The following RASGRP3 variants were observed in gnomAD, a reference collection of about 807,000 sequenced individuals.
The protein encoded by RASGRP3 is RAS guanyl releasing protein 3.
RASGRP3 carries 54 observed loss-of-function variants against 82.7 expected under a neutral mutation model. That is an observed-to-expected ratio of 0.65 (90% CI 0.52 to 0.82). The LOEUF is 0.82. RASGRP3 is among the 40% of genes least tolerant of loss of function. RASGRP3 has a pLI of 0.00. For synonymous variants in RASGRP3, 309 were observed against 300.5 expected, an observed-to-expected ratio of 1.03 and a Z score of -0.29; for missense variants, 861 against 828.9, an observed-to-expected ratio of 1.04 and a Z score of -0.48.
intron 1 of RASGRP3, among the ~76,000 whole-genome samples, chr2:33,500,803 G>A (rs573026689): frequency 8.2e-4 from 125 of 152,146 alleles, no homozygotes; most frequent in Middle Eastern, 6.8e-3. Flanking sequence ...ACATGGTGGC[G>A]CGCACCTGTA....
chr2:33,510,851 A>G (rs1250724931), intron 1 of RASGRP3, among the ~76,000 whole-genome samples: 9 of 152,196 alleles, frequency 5.9e-5, no homozygotes, highest in African/African-American at 2.2e-4. Flanking sequence ...GTTCTGAGTC[A>G]AGAGCCTGGT....
rs76009586 is a variant in RASGRP3 at position 33,535,826 on chromosome 2, G to T, written c.1161+1426G>T. ...GCTATTGAAAACCAAAAAGGAATTT[G>T]TAAGCCCCTCCCTAATTCTGTAGTT... On this transcript the variant is annotated intron_variant, in intron 11 of 17. Transcript: ENST00000403687. Among the ~76,000 whole-genome samples the T allele has an allele frequency of 2.3e-3, 351 of 152,282 alleles. 1 individual carries two copies. Among genetic ancestry groups the T allele is most frequent in the African/African-American group, 8.3e-3 (343 of 41,556 alleles).
At chr2:33,485,979 T>G in intron 1 of RASGRP3, among the ~76,000 whole-genome samples, 1 of 152,198 alleles carries the variant, frequency 6.6e-6, no homozygotes, top group East Asian at 1.9e-4. Flanking sequence ...TTTGGAAAAT[T>G]GTTTTGAGCT....
intron 1 of RASGRP3, among the ~76,000 whole-genome samples, chr2:33,489,045 A>AT (rs1391628992): frequency 6.6e-6 from 1 of 152,020 alleles, no homozygotes; most frequent in African/African-American, 2.4e-5. Flanking sequence ...TCCGAAGGAC[A>AT]TTTGGCAATG....
intron 1 of RASGRP3, among the ~76,000 whole-genome samples, chr2:33,499,600 C>A (rs1261580651): frequency 6.6e-6 from 1 of 152,034 alleles, no homozygotes; most frequent in Non-Finnish European, 1.5e-5. Context: ...TATCTCAATG[C>A]ACAATGTTAA....
intron 1 of RASGRP3, among the ~76,000 whole-genome samples, chr2:33,491,362 A>G (rs539605655): frequency 2.6e-5 from 4 of 151,504 alleles, no homozygotes; most frequent in Non-Finnish European, 5.9e-5. Context: ...GTCACCCAGA[A>G]AAAAAAAAGA....
intron 1 of RASGRP3, among the ~76,000 whole-genome samples, chr2:33,478,900 A>G (rs190576750): frequency 6.6e-6 from 1 of 152,320 alleles, no homozygotes; most frequent in East Asian, 1.9e-4. Context: ...TCTCCTCACA[A>G]TAACTCTATG....
At chr2:33,504,804 G>C (rs1439728086) in intron 1 of RASGRP3, among the ~76,000 whole-genome samples, 1 of 151,124 alleles carries the variant, frequency 6.6e-6, no homozygotes, top group Non-Finnish European at 1.5e-5. Flanking sequence ...TTGTCATCTG[G>C]ATGCAGTGGG....
intron 10 of RASGRP3, among the ~76,000 whole-genome samples, chr2:33,528,403 T>C (rs757653996): frequency 1.1e-4 from 16 of 152,208 alleles, no homozygotes; most frequent in Non-Finnish European, 1.9e-4. Context: ...CAACGGTGTA[T>C]AGAAGAGAAC....
At chr2:33,444,102 A>G (rs934959587) in intron 1 of RASGRP3, among the ~76,000 whole-genome samples, 1 of 152,094 alleles carries the variant, frequency 6.6e-6, no homozygotes, top group African/African-American at 2.4e-5. Context: ...CAGGATTTCA[A>G]GAACAGCCTG....
rs1676241147 is a variant in RASGRP3, at chr2:33,558,292, G to A, written c.1661G>A (p.Ser554Asn). Residue 554 changes from serine (S) to asparagine (N), a missense_variant, in exon 16 of 18, where the codon AGC (serine) becomes AAC (asparagine). Ser to Asn is a conservative substitution (Grantham distance 46, BLOSUM62 1). Transcript: ENST00000403687. ...CRRFARAPSL[S>N]SGHGSLPGSP... ...AGATTTGCCCGGGCGCCCTCCTTGA[G>A]CAGTGGTCATGGGTCACTGCCTGGA... is the stretch of plus-strand genomic sequence containing the variant. The A allele has an allele frequency of 6.2e-7, 1 of 1,613,746 alleles. No homozygotes were observed. The highest frequency in any genetic ancestry group is 1.1e-5 in the South Asian group (1 of 91,026).
chr2:33,484,813 CAGTG>C (rs1195206586), intron 1 of RASGRP3, among the ~76,000 whole-genome samples: 2 of 152,146 alleles, frequency 1.3e-5, no homozygotes, highest in African/African-American at 2.4e-5. Flanking sequence ...GGTCACAAGC[CAGTG>C]AGTAAGAGTC....
chr2:33,446,942 A>G (rs1665532176), intron 1 of RASGRP3, among the ~76,000 whole-genome samples: 1 of 151,942 alleles, frequency 6.6e-6, no homozygotes, highest in South Asian at 2.1e-4. Flanking sequence ...AGGAGATGGA[A>G]ACCATCCTGG....
At chr2:33,537,330 C>CCACACACA (rs1553359126) in intron 11 of RASGRP3, among the ~76,000 whole-genome samples, 4 of 95,690 alleles carry the variant, frequency 4.2e-5, no homozygotes, top group African/African-American at 1.8e-4. Context: ...ACCGCCCCCC[C>CCACACACA]CACACACACA....
At chr2:33,547,380 C>T (rs983100312) in intron 13 of RASGRP3, among the ~76,000 whole-genome samples, 2 of 53,218 alleles carry the variant, frequency 3.8e-5, no homozygotes, top group Admixed American at 3.6e-4. Flanking sequence ...TTGCCTCCTA[C>T]GCAAAATAAC....
intron 12 of RASGRP3, 86 bp from the exon 13 acceptor site, chr2:33,543,426 C>T (rs529403006): frequency 1.3e-6 from 1 of 743,502 alleles, no homozygotes; most frequent in African/African-American, 1.8e-5. Flanking sequence ...TAGAAAGGAT[C>T]ATATGCTAGT....
chr2:33,512,214 A>T (rs1157811570), intron 2 of RASGRP3, among the ~76,000 whole-genome samples: 1 of 152,206 alleles, frequency 6.6e-6, no homozygotes, highest in African/African-American at 2.4e-5. Context: ...TTCTTTGCAG[A>T]TCAGAAATAT....
intron 15 of RASGRP3, among the ~76,000 whole-genome samples, chr2:33,557,666 C>T (rs1476227693): frequency 6.0e-5 from 9 of 151,224 alleles, no homozygotes; most frequent in Non-Finnish European, 8.8e-5. Context: ...GCCGAGATCC[C>T]GCCACTGCAC....
In RASGRP3 at chr2:33,509,799, C is replaced by T. The variant is rs538859807; in HGVS notation, c.-260-1911C>T. On this transcript the variant is annotated intron_variant, in intron 1 of 17. Transcript: ENST00000403687. ...CGACACCAACCCCTTCTACCAGCCA[C>T]TCTAGTATTCTGTTCGGTGTCTGGT... Among the ~76,000 whole-genome samples, 26 of 152,314 alleles carry T rather than the reference C, an allele frequency of 1.7e-4. 2 individuals carry two copies. The South Asian group carries it at 3.3e-3, about 19-fold the overall frequency.
Sources: allele counts gnomAD v4.1 joint callset (sites outside exome capture counted in the v4.1 genomes callset), GRCh38; gene constraint gnomAD v4.1.1; transcripts MANE v1.5; gene names NCBI Gene and HGNC (gene_info 2026-07-23, HGNC 2026-07-21).